The following DSCAM variants were observed in gnomAD, a reference collection of about 807,000 sequenced individuals.
DSCAM encodes cell adhesion molecule DSCAM.
In DSCAM, 47 loss-of-function variants were observed where a neutral mutation model predicts 217.7. That is an observed-to-expected ratio of 0.22 (90% confidence interval 0.17 to 0.28). DSCAM has a LOEUF of 0.28. Among genes scored for constraint, DSCAM ranks in the 10% least tolerant of loss-of-function variants. The pLI is 1.00. For missense variants in DSCAM, 2,080 were observed against 2,618.3 expected, an observed-to-expected ratio of 0.79 and a Z score of 4.49; for synonymous variants, 1,056 against 1,015.3, an observed-to-expected ratio of 1.04 and a Z score of -0.76.
chr21:40,600,691 T>TTTG (rs545265017), intron 3 of DSCAM, among the ~76,000 whole-genome samples: 88 of 152,338 alleles, frequency 5.8e-4, no homozygotes, highest in Admixed American at 2.6e-3. Flanking sequence ...TTTGAGTTTT[T>TTTG]TTGTTGTTGT....
chr21:40,316,047 A>T (rs1436350782), intron 8 of DSCAM, among the ~76,000 whole-genome samples: 1 of 152,238 alleles, frequency 6.6e-6, no homozygotes, highest in East Asian at 1.9e-4. Context: ...GTAATACTTA[A>T]TTAGCATTCT....
At chr21:40,352,720 A>G (rs1274956636) in intron 5 of DSCAM, among the ~76,000 whole-genome samples, 2 of 152,180 alleles carry the variant, frequency 1.3e-5, no homozygotes, top group East Asian at 1.9e-4. Flanking sequence ...TCTCTGACCA[A>G]TGCTCTGCCT....
At chr21:40,529,883 C>G (rs752415388) in intron 3 of DSCAM, among the ~76,000 whole-genome samples, 2 of 152,082 alleles carry the variant, frequency 1.3e-5, no homozygotes, top group African/African-American at 2.4e-5. Context: ...CTTAGAAAGT[C>G]AGTTACAGGA....
chr21:40,323,103 A>G (rs2074278163), intron 8 of DSCAM, among the ~76,000 whole-genome samples: 1 of 152,158 alleles, frequency 6.6e-6, no homozygotes, highest in Non-Finnish European at 1.5e-5. Flanking sequence ...GCCCAAACTC[A>G]GGACAACCCT....
chr21:40,670,452 C>T (rs1176433706), intron 3 of DSCAM, among the ~76,000 whole-genome samples: 5 of 151,022 alleles, frequency 3.3e-5, no homozygotes, highest in African/African-American at 4.9e-5. Flanking sequence ...GCAGGGGAAT[C>T]GCTTGAACCC....
chr21:40,328,979 G>C (rs2074346911), intron 8 of DSCAM, among the ~76,000 whole-genome samples: 1 of 152,144 alleles, frequency 6.6e-6, no homozygotes, highest in African/African-American at 2.4e-5. Context: ...TCTCACACAT[G>C]TTAGAATGGC....
At chr21:40,295,954 T>C (rs1601526438) in intron 10 of DSCAM, 101 bp downstream of exon 10, 25 of 1,397,560 alleles carry the variant, frequency 1.8e-5, no homozygotes, top group Non-Finnish European at 2.2e-5. Context: ...GATACGTATC[T>C]ACTTGCAAGA....
intron 3 of DSCAM, among the ~76,000 whole-genome samples, chr21:40,458,541 T>C (rs1489167014): frequency 5.3e-5 from 8 of 151,704 alleles, no homozygotes; most frequent in East Asian, 3.9e-4. Flanking sequence ...AAAATATGCA[T>C]GAGGAAAGCA....
chr21:40,362,965 C>T (rs534598656), intron 4 of DSCAM, among the ~76,000 whole-genome samples: 1 of 152,218 alleles, frequency 6.6e-6, no homozygotes, highest in East Asian at 1.9e-4. Flanking sequence ...CAATTCATCC[C>T]CTTTGGCTGA....
At chr21:40,274,463 T>C (rs1432716230) in intron 11 of DSCAM, among the ~76,000 whole-genome samples, 1 of 152,214 alleles carries the variant, frequency 6.6e-6, no homozygotes, top group Admixed American at 6.5e-5. Flanking sequence ...TAGGGTCTTA[T>C]ATATATTGGG....
chr21:40,259,794 C>T (rs1341172018), intron 11 of DSCAM, among the ~76,000 whole-genome samples: 2 of 150,768 alleles, frequency 1.3e-5, no homozygotes, highest in Non-Finnish European at 3.0e-5. Context: ...CTGCCTCAGC[C>T]TCCCGAGTAG....
intron 3 of DSCAM, among the ~76,000 whole-genome samples, chr21:40,428,234 T>G (rs867692275): frequency 7.0e-5 from 9 of 129,254 alleles, no homozygotes; most frequent in African/African-American, 2.1e-4. Flanking sequence ...GGCAAATACT[T>G]TGTGTGTGTG....
chr21:40,701,351 C>G (rs550501547), intron 2 of DSCAM, among the ~76,000 whole-genome samples: 2 of 152,186 alleles, frequency 1.3e-5, no homozygotes, highest in African/African-American at 4.8e-5. Flanking sequence ...AAAAACACAC[C>G]AATTTTAACA....
intron 20 of DSCAM, among the ~76,000 whole-genome samples, chr21:40,106,027 T>C (rs942612481): frequency 3.9e-5 from 6 of 152,168 alleles, no homozygotes; most frequent in Admixed American, 3.9e-4. Flanking sequence ...GACTGTGTAA[T>C]TTATAAAGAA....
intron 3 of DSCAM, among the ~76,000 whole-genome samples, chr21:40,638,269 A>G (rs1191732559): frequency 6.6e-6 from 1 of 152,192 alleles, no homozygotes; most frequent in Non-Finnish European, 1.5e-5. Flanking sequence ...AAACTTTCAA[A>G]TGGAATTTCC....
chr21:40,363,120 T>TA (rs1188986130), intron 4 of DSCAM, among the ~76,000 whole-genome samples: 1 of 152,146 alleles, frequency 6.6e-6, no homozygotes, highest in Non-Finnish European at 1.5e-5. Context: ...GAATTATATT[T>TA]AAAAGAATCT....
intron 1 of DSCAM, among the ~76,000 whole-genome samples, chr21:40,818,073 G>T (rs1239782753): frequency 8.0e-6 from 1 of 124,628 alleles, no homozygotes; most frequent in Non-Finnish European, 1.6e-5. Context: ...TCCGCAGTCC[G>T]GCCTGGGCGA....
chr21:40,353,123 T>A (rs1023974953), intron 5 of DSCAM, among the ~76,000 whole-genome samples: 1 of 152,206 alleles, frequency 6.6e-6, no homozygotes, highest in Non-Finnish European at 1.5e-5. Context: ...TCTCTGTTCA[T>A]TTTTAGAGAG....
intron 1 of DSCAM, among the ~76,000 whole-genome samples, chr21:40,792,375 G>A (rs1014529376): frequency 6.6e-6 from 1 of 151,940 alleles, no homozygotes; most frequent in Non-Finnish European, 1.5e-5. Context: ...CCTAACCTCA[G>A]GTGATCCACC....
Sources: allele counts gnomAD v4.1 joint callset (sites outside exome capture counted in the v4.1 genomes callset), GRCh38; gene constraint gnomAD v4.1.1; transcripts MANE v1.5; gene names NCBI Gene and HGNC (gene_info 2026-07-23, HGNC 2026-07-21).